The following PCDH15 variants were observed in gnomAD, a reference collection of about 807,000 sequenced individuals.
PCDH15 encodes protocadherin-15.
A neutral mutation model predicts 178.5 loss-of-function variants in PCDH15; 129 were observed. The observed-to-expected ratio is 0.72, with a 90% CI of 0.63 to 0.84. PCDH15 has a LOEUF of 0.84. Among genes scored for constraint, PCDH15 ranks in the 40% least tolerant of loss-of-function variants. PCDH15 has a pLI of 0.00. For missense variants in PCDH15, 2,230 were observed against 2,099.9 expected, an observed-to-expected ratio of 1.06 and a Z score of -1.21; for synonymous variants, 800 against 732.0, an observed-to-expected ratio of 1.09 and a Z score of -1.50.
chr10:54,465,490 T>TGA (rs1464286404), intron 3 of PCDH15, among the ~76,000 whole-genome samples: 1 of 152,000 alleles, frequency 6.6e-6, no homozygotes, highest in African/African-American at 2.4e-5. Flanking sequence ...TGAGAACATG[T>TGA]GATAATTGTT....
intron 1 of PCDH15, among the ~76,000 whole-genome samples, chr10:55,167,239 G>T (rs547247904): frequency 1.3e-5 from 2 of 151,870 alleles, no homozygotes; most frequent in Admixed American, 6.6e-5. Context: ...TCAGCCTCCC[G>T]AGTAGCTGGA....
At chr10:54,021,464 A>G (rs1420618492) in intron 19 of PCDH15, among the ~76,000 whole-genome samples, 1 of 151,962 alleles carries the variant, frequency 6.6e-6, no homozygotes, top group Non-Finnish European at 1.5e-5. Context: ...TCAATTTTCA[A>G]TCAACGCCAT....
chr10:54,212,426 A>G (rs2051545447), intron 10 of PCDH15, among the ~76,000 whole-genome samples: 1 of 151,482 alleles, frequency 6.6e-6, no homozygotes, highest in African/African-American at 2.4e-5. Context: ...TTCCCTGTTA[A>G]CTGCTTGTAG....
At chr10:54,736,288 C>G (rs541211157) in intron 1 of PCDH15, among the ~76,000 whole-genome samples, 178 of 152,134 alleles carry the variant, frequency 1.2e-3, no homozygotes, top group African/African-American at 4.2e-3. Context: ...TCAGGTTTGC[C>G]ATTTGATTTT....
At chr10:54,009,842 G>A (rs1275643661) in intron 20 of PCDH15, among the ~76,000 whole-genome samples, 1 of 152,182 alleles carries the variant, frequency 6.6e-6, no homozygotes, top group Non-Finnish European at 1.5e-5. Flanking sequence ...GGCTGACACG[G>A]AGAACCATGT....
intron 1 of PCDH15, among the ~76,000 whole-genome samples, chr10:54,723,180 A>T (rs1172292314): frequency 2.0e-5 from 3 of 151,710 alleles, no homozygotes; most frequent in Admixed American, 6.6e-5. Context: ...TTAAGATAGC[A>T]TGCTACTAGT....
chr10:55,492,177 A>G (rs756737866), intron 2 of PCDH15, among the ~76,000 whole-genome samples: 1 of 151,762 alleles, frequency 6.6e-6, no homozygotes, highest in Non-Finnish European at 1.5e-5. Context: ...AAATTTTCAC[A>G]AGGGAATCTA....
chr10:54,536,376 A>G (rs1930166), intron 2 of PCDH15, among the ~76,000 whole-genome samples: 9,590 of 142,324 alleles, frequency 0.067, 323 homozygotes, highest in East Asian at 0.097. Flanking sequence ...AAAAGCAATG[A>G]CTGTCATTTT....
chr10:55,536,984 T>A (rs1371489703), intron 2 of PCDH15, among the ~76,000 whole-genome samples: 1 of 152,144 alleles, frequency 6.6e-6, no homozygotes, highest in African/African-American at 2.4e-5. Flanking sequence ...AAATTTAGAT[T>A]TTTTTTCTGT....
At chr10:54,351,098 G>C (rs776149159) in intron 5 of PCDH15, among the ~76,000 whole-genome samples, 12 of 139,364 alleles carry the variant, frequency 8.6e-5, no homozygotes, top group Non-Finnish European at 1.6e-4. Flanking sequence ...ACAAGACTCT[G>C]TCTCAATTTA....
intron 1 of PCDH15, among the ~76,000 whole-genome samples, chr10:55,192,739 C>CTATA (rs561935272): frequency 1.0e-4 from 15 of 149,784 alleles, no homozygotes; most frequent in Admixed American, 9.3e-4. Flanking sequence ...CTCTCTCTCT[C>CTATA]TCTATATATA....
At chr10:54,419,136 A>ATTATT (rs143080146) in intron 3 of PCDH15, among the ~76,000 whole-genome samples, 31,127 of 151,762 alleles carry the variant, frequency 0.21, 3,964 homozygotes, top group African/African-American at 0.36. Flanking sequence ...CTTATAATAT[A>ATTATT]TTGTTAGAAT....
At chr10:54,914,685 C>A (rs1954872101) in intron 2 of PCDH15, among the ~76,000 whole-genome samples, 1 of 152,148 alleles carries the variant, frequency 6.6e-6, no homozygotes, top group Admixed American at 6.5e-5. Context: ...ACTGAGCCCA[C>A]TTCATAGGTT....
intron 2 of PCDH15, among the ~76,000 whole-genome samples, chr10:54,539,979 A>T (rs2085025069): frequency 6.6e-6 from 1 of 152,150 alleles, no homozygotes; most frequent in Non-Finnish European, 1.5e-5. Flanking sequence ...AAATACCAAC[A>T]TCTCTGGGAT....
chr10:54,262,897 G>A (rs2057419399), intron 8 of PCDH15, among the ~76,000 whole-genome samples: 1 of 152,188 alleles, frequency 6.6e-6, no homozygotes, highest in Non-Finnish European at 1.5e-5. Flanking sequence ...CAGGGCGAGT[G>A]TCTGTGGGAG....
intron 2 of PCDH15, among the ~76,000 whole-genome samples, chr10:54,920,881 G>A (rs2030315851): frequency 6.6e-6 from 1 of 152,152 alleles, no homozygotes; most frequent in African/African-American, 2.4e-5. Context: ...TAAATGTAAT[G>A]ATGAATTATT....
intron 4 of PCDH15, among the ~76,000 whole-genome samples, chr10:54,376,818 T>C (rs1364055391): frequency 6.6e-6 from 1 of 151,966 alleles, no homozygotes; most frequent in Non-Finnish European, 1.5e-5. Context: ...AACTCCCTAG[T>C]CCAGTAATAT....
At chr10:54,277,881 T>A (rs1244487170) in intron 8 of PCDH15, among the ~76,000 whole-genome samples, 3 of 119,482 alleles carry the variant, frequency 2.5e-5, no homozygotes, top group African/African-American at 8.4e-5. Context: ...CATCAAGGTT[T>A]ATGGTTTGAA....
chr10:55,483,553 T>C (rs1373995223), intron 2 of PCDH15, among the ~76,000 whole-genome samples: 1 of 151,800 alleles, frequency 6.6e-6, no homozygotes, highest in Non-Finnish European at 1.5e-5. Flanking sequence ...AGTTCAGCCA[T>C]TGTAGAAGAC....
Sources: allele counts gnomAD v4.1 joint callset (sites outside exome capture counted in the v4.1 genomes callset), GRCh38; gene constraint gnomAD v4.1.1; transcripts MANE v1.5; gene names NCBI Gene and HGNC (gene_info 2026-07-23, HGNC 2026-07-21).